Variants in GNAL observed in about 807,000 individuals in gnomAD.
GNAL encodes the protein G protein subunit alpha L.
GNAL carries 18 observed loss-of-function variants against 55.1 expected under a neutral mutation model. That is an observed-to-expected ratio of 0.33 (90% CI 0.23 to 0.48). GNAL has a LOEUF of 0.48. Ranked by LOEUF, GNAL falls within the 20% of genes least tolerant of loss-of-function variation. The probability of loss-of-function intolerance (pLI) is 0.99; values close to 1 mark genes in which losing one functional copy is unlikely to be tolerated. For missense variants in GNAL, 412 were observed against 614.1 expected (o/e 0.67, Z 3.48); for synonymous variants, 253 against 237.0 (o/e 1.07, Z -0.62).
chr18:11,851,628 C>T, intron 5 of GNAL: 1 of 1,613,928 alleles, frequency 6.2e-7, no homozygotes. Flanking sequence ...TTAAAAAGGC[C>T]ATTCAGAAGG....
chr18:11,788,044 G>A (rs886802818), intron 4 of GNAL, among the ~76,000 whole-genome samples: 1 of 152,036 alleles, frequency 6.6e-6, no homozygotes, highest in African/African-American at 2.4e-5. Flanking sequence ...GCTGTCCCCA[G>A]TAAATTTATC....
At chr18:11,742,215 G>A (rs528703960) in intron 1 of GNAL, among the ~76,000 whole-genome samples, 1 of 152,342 alleles carries the variant, frequency 6.6e-6, no homozygotes, top group South Asian at 2.1e-4. Context: ...GTGAGTCTTT[G>A]TTGACCGTAC....
In GNAL at chr18:11,824,853, C is replaced by CT. The variant is rs563798157; in HGVS notation, c.625-61dup. 137 of 879,290 alleles carry CT rather than the reference C, an allele frequency of 1.6e-4. 1 individual carries two copies. In the African/African-American group the frequency reaches 2.2e-3, roughly 14 times the overall value. The allele number at this position is 879,290 out of a possible 1,614,324, so 54.5% of individuals were successfully genotyped here. A position where few individuals can be genotyped will look rare whatever the true frequency, so the allele number is the denominator to read the frequency against. On this transcript the variant is annotated intron_variant, in intron 4 of 11. Coordinates refer to ENST00000334049, the MANE Select transcript of GNAL (RefSeq NM_182978.4). Reference sequence around the variant, plus strand: ...AAACAGTTTTTGCAGTTTCTTTTTCCTTTTAACTTTTTAAAAGGTTATTAC... The same window carrying CT: ...AAACAGTTTTTGCAGTTTCTTTTTCCTTTTTAACTTTTTAAAAGGTTATTAC...
At chr18:11,778,417 A>G (rs1160781523) in intron 4 of GNAL, among the ~76,000 whole-genome samples, 1 of 152,188 alleles carries the variant, frequency 6.6e-6, no homozygotes, top group Admixed American at 6.5e-5. Flanking sequence ...CTGAGCGAGC[A>G]TCCCCTAGGT....
At chr18:11,851,283 A>C (rs999579893) in intron 5 of GNAL, 4 of 503,106 alleles carry the variant, frequency 8.0e-6, no homozygotes, top group African/African-American at 3.9e-5. Flanking sequence ...ATCCCCCTGC[A>C]TGCGCAGCCC....
intron 11 of GNAL, among the ~76,000 whole-genome samples, chr18:11,880,779 T>C (rs925633648): frequency 6.6e-6 from 1 of 152,104 alleles, no homozygotes; most frequent in Non-Finnish European, 1.5e-5. Flanking sequence ...TCCGTGCTGC[T>C]TCAGCCTCCT....
At chr18:11,738,991 C>T (rs999093908) in intron 1 of GNAL, among the ~76,000 whole-genome samples, 1 of 152,130 alleles carries the variant, frequency 6.6e-6, no homozygotes, top group Non-Finnish European at 1.5e-5. Context: ...TTATTTCATG[C>T]GATCAGTGCA....
chr18:11,855,801 C>G lies in GNAL; in HGVS notation c.723-6594C>G, dbSNP rs1249624. On this transcript the variant is annotated intron_variant, in intron 5 of 11. Transcript: ENST00000334049. ...CAGCCTGACCAACATGAAGAAACCC[C>G]GTCTCTACTAAAAATACAAAATTAG... Among the ~76,000 whole-genome samples, 320 of 151,950 alleles carry G rather than the reference C, an allele frequency of 2.1e-3. 2 individuals carry two copies. Among genetic ancestry groups the G allele is most frequent in the African/African-American group, 7.5e-3 (310 of 41,356 alleles).
At chr18:11,795,652 G>T (rs893705308) in intron 4 of GNAL, among the ~76,000 whole-genome samples, 1 of 152,178 alleles carries the variant, frequency 6.6e-6, no homozygotes. Context: ...ATAGTCACTT[G>T]CTTAGATACT....
chr18:11,790,716 G>C (rs1272062823), intron 4 of GNAL, among the ~76,000 whole-genome samples: 3 of 141,944 alleles, frequency 2.1e-5, no homozygotes, highest in African/African-American at 7.7e-5. Flanking sequence ...GAGTGCAGTG[G>C]CACGATCTCG....
chr18:11,768,854 A>G (rs1488842255), intron 4 of GNAL, among the ~76,000 whole-genome samples: 1 of 145,848 alleles, frequency 6.9e-6, no homozygotes, highest in Non-Finnish European at 1.5e-5. Context: ...AGATCACGCC[A>G]CTGCACTCCA....
rs760225719 is a variant in GNAL at position 11,689,834 on chromosome 18, G to A, written c.271G>A (p.Glu91Lys). 4.5e-6 allele frequency: 7 copies of A among 1,538,520 alleles called. No homozygotes were observed. The African/African-American group carries it at 7.1e-5, about 16-fold the overall frequency. The change falls in exon 1 of 12, where the codon GAG (glutamate) becomes AAG (lysine). Residue 91 changes from glutamate to lysine, a missense_variant. Physicochemically the swap from Glu to Lys is moderately conservative, Grantham distance 56. This residue lies in a region of GNAL where 228 missense variants were observed against 194.8 expected (regional missense o/e 1.17). Coordinates refer to ENST00000334049, the MANE Select transcript of GNAL (RefSeq NM_182978.4). ...LSAEEREAAK[E>K]REAVKEARKV... ...TGCCGAGGAGCGCGAGGCGGCCAAG[G>A]AGCGCGAGGCGGTCAAGGAGGCGAG...
intron 1 of GNAL, among the ~76,000 whole-genome samples, chr18:11,734,543 G>GAT (rs1022274036): frequency 6.6e-6 from 1 of 151,848 alleles, no homozygotes; most frequent in African/African-American, 2.4e-5. Flanking sequence ...TGGCTTAAAT[G>GAT]ATATGTCCTT....
chr18:11,718,104 A>G (rs1296908166), intron 1 of GNAL, among the ~76,000 whole-genome samples: 1 of 152,212 alleles, frequency 6.6e-6, no homozygotes, highest in East Asian at 1.9e-4. Flanking sequence ...TGTTCCAGAC[A>G]AAATACCTAG....
intron 5 of GNAL, among the ~76,000 whole-genome samples, chr18:11,850,383 A>G (rs2035830629): frequency 6.6e-6 from 1 of 152,190 alleles, no homozygotes; most frequent in African/African-American, 2.4e-5. Context: ...GATTAAAATG[A>G]TCTCTAAACA....
At chr18:11,847,003 ATAAAT>A (rs1265905930) in intron 5 of GNAL, among the ~76,000 whole-genome samples, 2 of 151,494 alleles carry the variant, frequency 1.3e-5, no homozygotes, top group African/African-American at 2.4e-5. Flanking sequence ...TACATGTGTA[ATAAAT>A]TAATATTATA....
chr18:11,734,151 T>TC (rs2032407927), intron 1 of GNAL, among the ~76,000 whole-genome samples: 1 of 133,082 alleles, frequency 7.5e-6, no homozygotes, highest in African/African-American at 3.7e-5. Context: ...TCTTTTTCTT[T>TC]TTTTTTTTTT....
At chr18:11,797,214 G>A (rs2034414260) in intron 4 of GNAL, among the ~76,000 whole-genome samples, 1 of 152,208 alleles carries the variant, frequency 6.6e-6, no homozygotes, top group African/African-American at 2.4e-5. Flanking sequence ...TTACAGGCGT[G>A]AGCCACCGCA....
chr18:11,730,710 C>A (rs1368725708), intron 1 of GNAL, among the ~76,000 whole-genome samples: 1 of 151,912 alleles, frequency 6.6e-6, no homozygotes, highest in East Asian at 2.0e-4. Flanking sequence ...GTTACAGTGA[C>A]CTGAGATCGC....
Sources: allele counts gnomAD v4.1 joint callset (sites outside exome capture counted in the v4.1 genomes callset), GRCh38; gene constraint gnomAD v4.1.1; regional missense constraint gnomAD v4.1.1; transcripts MANE v1.5; gene names NCBI Gene and HGNC (gene_info 2026-07-23, HGNC 2026-07-21).